SAYSD1: variants seen among roughly 807,000 people sequenced by gnomAD.
The protein encoded by SAYSD1 is SAYSVFN motif domain containing 1.
SAYSD1 carries 15 observed loss-of-function variants against 14.5 expected under a neutral mutation model. The observed-to-expected ratio is 1.03, with a 90% CI of 0.69 to 1.59. The LOEUF is 1.59. SAYSD1 is among the 40% of genes most tolerant of loss of function. SAYSD1 has a pLI of 0.00. For missense variants in SAYSD1, 247 were observed against 227.3 expected (o/e 1.09, Z -0.56); for synonymous variants, 105 against 102.6 (o/e 1.02, Z -0.14).
chr6:39,107,844 T>G (rs1769534267), intron 1 of SAYSD1, among the ~76,000 whole-genome samples: 1 of 151,550 alleles, frequency 6.6e-6, no homozygotes, highest in Non-Finnish European at 1.5e-5. Flanking sequence ...AAGGGGAGAG[T>G]AGCATGAGAT....
Position 39,112,081 on chromosome 6 carries a change from A to G in SAYSD1, c.207+2802T>C, listed in dbSNP as rs187020528. 6.6e-5 allele frequency: 10 copies of G among 152,178 alleles called. No homozygotes were observed. The East Asian group carries it at 1.9e-3, about 29-fold the overall frequency. The allele number at this position is 152,178 out of a possible 1,614,324, so 9.4% of individuals were successfully genotyped here. A position where few individuals can be genotyped will look rare whatever the true frequency, so the allele number is the denominator to read the frequency against. On this transcript the variant is annotated intron_variant, in intron 1 of 1. Transcript: ENST00000229903. Reference sequence around the variant, plus strand: ...GAAGGCTTGAAGAAATACTTTAAGAAAAAAAAAGATCTGATGCATGAAAAT... The same window carrying G: ...GAAGGCTTGAAGAAATACTTTAAGAGAAAAAAAGATCTGATGCATGAAAAT...
chr6:39,109,383 A>G (rs1201709826), intron 1 of SAYSD1: 2 of 1,550,578 alleles, frequency 1.3e-6, no homozygotes, highest in African/African-American at 1.4e-5. Flanking sequence ...TTCTCCAAGC[A>G]AAATCTGGTA....
In SAYSD1 at chr6:39,114,771, G is replaced by A. The variant is rs564241375; in HGVS notation, c.207+112C>T. ...CGGTCCGGCCCTCGATCAGGATGGG[G>A]GGCCAGTAGCCCCGCCTCCGGCAGC... On this transcript the variant is annotated intron_variant, in intron 1 of 1. Coordinates refer to ENST00000229903, the MANE Select transcript of SAYSD1 (RefSeq NM_018322.3). 1.2e-5 allele frequency: 12 copies of A among 1,037,234 alleles called. No homozygotes were observed. In the African/African-American group the frequency reaches 1.9e-4, roughly 16 times the overall value. 64.3% of individuals were successfully genotyped at this position (1,037,234 alleles called of 1,614,324 possible). A position where few individuals can be genotyped will look rare whatever the true frequency, so the allele number is the denominator to read the frequency against.
intron 1 of SAYSD1, among the ~76,000 whole-genome samples, chr6:39,108,476 C>G (rs531253123): frequency 2.0e-5 from 3 of 151,950 alleles, no homozygotes; most frequent in African/African-American, 7.3e-5. Context: ...AGGAGAGATA[C>G]GGACATTCTT....
intron 1 of SAYSD1, chr6:39,110,502 C>G (rs1450908384): frequency 6.5e-6 from 1 of 152,798 alleles, no homozygotes; most frequent in South Asian, 2.1e-4. Flanking sequence ...GGCACCAACC[C>G]AGATCTTATG....
In SAYSD1 at chr6:39,105,397, AT is replaced by A; in HGVS notation, c.*34del. ...CATAGCCAATGGTGAGGAAGACCAC[AT>A]CAGAGGTTAGCTGCATGACAGCACA... is the stretch of plus-strand genomic sequence containing the variant. On this transcript the variant is annotated 3_prime_UTR_variant, in exon 2 of 2. Coordinates refer to ENST00000229903, the MANE Select transcript of SAYSD1 (RefSeq NM_018322.3). The A allele has an allele frequency of 6.3e-7, 1 of 1,581,828 alleles. No individual in the cohort carries two copies. Among genetic ancestry groups the A allele is most frequent in the South Asian group, 1.1e-5 (1 of 89,088 alleles).
At chr6:39,107,655 T>C (rs546811142) in intron 1 of SAYSD1, among the ~76,000 whole-genome samples, 4 of 152,320 alleles carry the variant, frequency 2.6e-5, no homozygotes, top group South Asian at 4.1e-4. Flanking sequence ...AGCATCAACA[T>C]TGTAATTATT....
chr6:39,109,100 A>G (rs1028148145), intron 1 of SAYSD1, among the ~76,000 whole-genome samples: 17 of 152,146 alleles, frequency 1.1e-4, no homozygotes, highest in Non-Finnish European at 2.5e-4. Flanking sequence ...GATGACTACT[A>G]GATTTTGCGG....
chr6:39,105,795 C>CA lies in SAYSD1; in HGVS notation c.208-20dup, dbSNP rs765977837. The CA allele has an allele frequency of 3.7e-6, 6 of 1,602,776 alleles. 1 individual carries two copies. The Middle Eastern group carries it at 6.7e-4, about 178-fold the overall frequency. On this transcript the variant is annotated intron_variant, in intron 1 of 1. Coordinates refer to ENST00000229903, the MANE Select transcript of SAYSD1 (RefSeq NM_018322.3). ...CCGCTTCCTAGGATACACAAACAAA[C>CA]AAAAGAAAGAATAAAGGGTAATGGA...
rs1191075297 is a variant in SAYSD1, at chr6:39,105,660, GAGA to G, written c.321_323del (p.Leu108del). On this transcript the variant is annotated inframe_deletion, in exon 2 of 2. Transcript: ENST00000229903. ...CAAACAGTCCCAGCAGGACCAACCA[GAGA>G]AGAACCTTCAAGAAGGTGATATTGG... 6.2e-7 allele frequency: 1 copy of G among 1,614,082 alleles called. No individual in the cohort carries two copies. The highest frequency in any genetic ancestry group is 1.3e-5 in the African/African-American group (1 of 74,928).
Position 39,115,136 on chromosome 6 carries a change from A to C in SAYSD1, c.-47T>G. On this transcript the variant is annotated 5_prime_UTR_variant, in exon 1 of 2. Transcript: ENST00000229903. ...GGCCGATAAGGGAGCGCGCGCCCGCAGGCCGCACAGCAGTTGCCTCCGCTC... is the reference window on the plus strand; with the variant it reads ...GGCCGATAAGGGAGCGCGCGCCCGCCGGCCGCACAGCAGTTGCCTCCGCTC... 1 of 1,550,488 alleles carries C rather than the reference A, an allele frequency of 6.4e-7. No individual in the cohort carries two copies. Among genetic ancestry groups the C allele is most frequent in the Non-Finnish European group, 8.7e-7 (1 of 1,151,460 alleles).
rs112901579 is a variant in SAYSD1 at position 39,115,166 on chromosome 6, C to T, written c.-77G>A. On this transcript the variant is annotated 5_prime_UTR_variant, in exon 1 of 2. Transcript: ENST00000229903. ...GCACAGCAGTTGCCTCCGCTCGGCC[C>T]GCGCCGGCCGCCGTGCGCCTGCGTG... The T allele has an allele frequency of 0.033, 45,375 of 1,367,888 alleles. 878 individuals are homozygous for T. Among genetic ancestry groups the T allele is most frequent in the Middle Eastern group, 0.065 (269 of 4,110 alleles). 84.7% of individuals were successfully genotyped at this position (1,367,888 alleles called of 1,614,324 possible).
chr6:39,105,197 G>T lies in SAYSD1; in HGVS notation c.*235C>A, dbSNP rs189443751. On this transcript the variant is annotated 3_prime_UTR_variant, in exon 2 of 2. Transcript: ENST00000229903. ...GAAACAAACAGGTCTCCCTTCTTGA[G>T]TACATAATTTTTATAAATTGCGTCG... is the stretch of plus-strand genomic sequence containing the variant. 712 of 515,444 alleles carry T rather than the reference G, an allele frequency of 1.4e-3. 6 individuals are homozygous for T. The highest frequency in any genetic ancestry group is 9.4e-3 in the African/African-American group (489 of 52,066). The allele number at this position is 515,444 out of a possible 1,614,324, so 31.9% of individuals were successfully genotyped here.
rs1769487320 is a variant in SAYSD1 at position 39,105,625 on chromosome 6, T to G, written c.359A>C (p.Glu120Ala). The change falls in exon 2 of 2, where the codon GAA becomes GCA. Residue 120 changes from glutamate (E) to alanine (A), a missense_variant. Transcript: ENST00000229903. ...CAGGACAAAATATGCCAGGCCAAAT[T>G]CCAGTTCCACAAACAGTCCCAGCAG... ...LVLLGLFVEL[E>A]FGLAYFVLSL... The G allele has an allele frequency of 2.5e-6, 4 of 1,613,898 alleles. No individual in the cohort carries two copies. In the African/African-American group the frequency reaches 4.0e-5, roughly 16 times the overall value.
In SAYSD1 at chr6:39,105,332, C is replaced by A; in HGVS notation, c.*100G>T. The A allele has an allele frequency of 1.0e-6, 1 of 953,110 alleles. No homozygotes were observed. The allele number at this position is 953,110 out of a possible 1,614,324, so 59.0% of individuals were successfully genotyped here. A position where few individuals can be genotyped will look rare whatever the true frequency, so the allele number is the denominator to read the frequency against. ...AAAACTATGCAGTCACAGAGCTAAC[C>A]CGCAAGCTGCCCTTAGTCCTATACA... On this transcript the variant is annotated 3_prime_UTR_variant, in exon 2 of 2. Coordinates refer to ENST00000229903, the MANE Select transcript of SAYSD1 (RefSeq NM_018322.3).
Position 39,105,445 on chromosome 6 carries a change from A to C in SAYSD1, c.539T>G (p.Leu180Arg), listed in dbSNP as rs62398593. The change falls in exon 2 of 2, where the codon CTG becomes CGG. Residue 180 changes from leucine to arginine, a missense_variant. Leu to Arg is a moderately radical substitution (Grantham distance 102). Transcript: ENST00000229903. ...QLERELQLRP[L>R]AGR ...CACAGCTGGGTCCTATCTCCCTGCC[A>C]GGGGTCTCAACTGTAACTCGCGCTC... 6.2e-7 allele frequency: 1 copy of C among 1,614,058 alleles called. No homozygotes were observed. The highest frequency in any genetic ancestry group is 1.1e-5 in the South Asian group (1 of 91,080).
In SAYSD1 at chr6:39,114,866, A is replaced by C; in HGVS notation, c.207+17T>G. On this transcript the variant is annotated intron_variant, in intron 1 of 1. Coordinates refer to ENST00000229903, the MANE Select transcript of SAYSD1 (RefSeq NM_018322.3). ...CTCCGAGGCCAGGTCCTAGGGCCGA[A>C]GTTTCCATCGTCTCACCTGAACTAG... is the stretch of plus-strand genomic sequence containing the variant. The C allele has an allele frequency of 6.2e-7, 1 of 1,608,310 alleles. No homozygotes were observed. The highest frequency in any genetic ancestry group is 8.5e-7 in the Non-Finnish European group (1 of 1,177,278).
intron 1 of SAYSD1, 48 bp downstream of exon 1, chr6:39,114,835 C>G (rs1315624247): frequency 6.3e-7 from 1 of 1,577,254 alleles, no homozygotes; most frequent in Non-Finnish European, 8.7e-7. Flanking sequence ...GCGCCCTCGA[C>G]TGTGGCTCCG....
In SAYSD1 at chr6:39,104,227, A is replaced by G. The variant is rs529669586; in HGVS notation, c.*1205T>C. 38 of 152,200 alleles carry G rather than the reference A, an allele frequency of 2.5e-4. No individual in the cohort carries two copies. Among genetic ancestry groups the G allele is most frequent in the African/African-American group, 8.2e-4 (34 of 41,446 alleles). 9.4% of individuals were successfully genotyped at this position (152,200 alleles called of 1,614,324 possible). A position where few individuals can be genotyped will look rare whatever the true frequency, so the allele number is the denominator to read the frequency against. On this transcript the variant is annotated 3_prime_UTR_variant, in exon 2 of 2. Coordinates refer to ENST00000229903, the MANE Select transcript of SAYSD1 (RefSeq NM_018322.3). ...GCTCTGAGGGACAGCCAAACTCCCAATGGCCAAAGGGCTGTGAGGAAGGGC... is the reference window on the plus strand; with the variant it reads ...GCTCTGAGGGACAGCCAAACTCCCAGTGGCCAAAGGGCTGTGAGGAAGGGC...
Sources: allele counts gnomAD v4.1 joint callset (sites outside exome capture counted in the v4.1 genomes callset), GRCh38; gene constraint gnomAD v4.1.1; transcripts MANE v1.5; gene names NCBI Gene and HGNC (gene_info 2026-07-23, HGNC 2026-07-21).